The following GAB2 variants were observed in gnomAD, a reference collection of about 807,000 sequenced individuals.
GAB2 encodes the protein GRB2-associated-binding protein 2.
In GAB2, 26 loss-of-function variants were observed where a neutral mutation model predicts 65.5. The ratio of observed to expected loss-of-function variants is 0.40; its 90% CI spans 0.29 to 0.55. The LOEUF (loss-of-function observed/expected upper bound fraction) is 0.55. Among genes scored for constraint, GAB2 ranks in the 20% least tolerant of loss-of-function variants. The probability of loss-of-function intolerance (pLI) is 0.53; values close to 1 mark genes in which losing one functional copy is unlikely to be tolerated. For missense variants in GAB2, 884 were observed against 875.8 expected (o/e 1.01, Z -0.12); for synonymous variants, 321 against 329.6 (o/e 0.97, Z 0.28).
In GAB2 at chr11:78,219,107, C is replaced by A; in HGVS notation, c.*165G>T. 1 of 651,956 alleles carries A rather than the reference C, an allele frequency of 1.5e-6. No individual in the cohort carries two copies. The highest frequency in any genetic ancestry group is 2.9e-5 in the Admixed American group (1 of 33,996). The allele number at this position is 651,956 out of a possible 1,614,324, so 40.4% of individuals were successfully genotyped here. ...GGAGGTGCCTTGATCAGGCCCTCAC[C>A]TCCCAGGGGAAGGGTTCAGGGTCCC... On this transcript the variant is annotated 3_prime_UTR_variant, in exon 10 of 10. Coordinates refer to ENST00000361507, the MANE Select transcript of GAB2 (RefSeq NM_080491.3).
chr11:78,258,729 C>T (rs950585836), intron 2 of GAB2, among the ~76,000 whole-genome samples: 1 of 151,978 alleles, frequency 6.6e-6, no homozygotes, highest in African/African-American at 2.4e-5. Context: ...TCCCAAAGTG[C>T]TGGAACTATA....
intron 1 of GAB2, among the ~76,000 whole-genome samples, chr11:78,370,528 C>T (rs1420213812): frequency 6.6e-6 from 1 of 152,026 alleles, no homozygotes; most frequent in Non-Finnish European, 1.5e-5. Flanking sequence ...ACCTGTTTAT[C>T]ATGTGTTGCA....
chr11:78,397,924 C>T (rs1856921868), intron 1 of GAB2, among the ~76,000 whole-genome samples: 1 of 152,064 alleles, frequency 6.6e-6, no homozygotes, highest in Non-Finnish European at 1.5e-5. Context: ...CACAGTGGTG[C>T]ACCTATAGTC....
At chr11:78,245,124 CAG>C (rs1865261174) in intron 3 of GAB2, among the ~76,000 whole-genome samples, 1 of 151,992 alleles carries the variant, frequency 6.6e-6, no homozygotes. Context: ...CTCACACAGA[CAG>C]AAAGTAGAAT....
rs59495222 is a variant in GAB2 at position 78,358,483 on chromosome 11, C to CAAAA, written c.75+59159_75+59162dup. Among the ~76,000 whole-genome samples the CAAAA allele has an allele frequency of 3.3e-3, 353 of 106,228 alleles. 7 individuals carry two copies. The highest frequency in any genetic ancestry group is 0.011 in the African/African-American group (331 of 30,258). 69.7% of individuals were successfully genotyped at this position (106,228 alleles called of 152,430 possible). ...ATAATAATAATAATAATAAAGTGACCAAAAAAAAAAAAAAGAAGTAATGTC... is the reference window on the plus strand; with the variant it reads ...ATAATAATAATAATAATAAAGTGACCAAAAAAAAAAAAAAAAAAGAAGTAATGTC... On this transcript the variant is annotated intron_variant, in intron 1 of 9. Transcript: ENST00000361507.
chr11:78,387,263 T>C (rs972691689), intron 1 of GAB2, among the ~76,000 whole-genome samples: 6 of 152,194 alleles, frequency 3.9e-5, no homozygotes, highest in African/African-American at 1.4e-4. Flanking sequence ...CTCCAACTAC[T>C]CCTTATCTGG....
At chr11:78,250,015 A>C in intron 3 of GAB2, 142 bp downstream of exon 3, 1 of 893,504 alleles carries the variant, frequency 1.1e-6, no homozygotes, top group Non-Finnish European at 1.7e-6. Flanking sequence ...CTACAGAAGC[A>C]AAAAATTATG....
rs145177616 is a variant in GAB2, at chr11:78,283,416, C to T, written c.76-2515G>A. 2.6e-5 allele frequency among the ~76,000 whole-genome samples: 4 copies of T among 152,300 alleles called. No homozygotes were observed. The East Asian group carries it at 5.8e-4, about 22-fold the overall frequency. The stretch of plus-strand genomic sequence containing the variant: ...AGGATGATTCCCATCAAGACATCAA[C>T]GTTTCCTATCTCAGAAGAAAAAATT... On this transcript the variant is annotated intron_variant, in intron 1 of 9. Transcript: ENST00000361507.
chr11:78,260,048 C>T (rs1230745365), intron 2 of GAB2, among the ~76,000 whole-genome samples: 2 of 152,130 alleles, frequency 1.3e-5, no homozygotes, highest in Admixed American at 1.3e-4. Context: ...GATCAAAGTA[C>T]TAAACACTAG....
chr11:78,379,622 T>C (rs904686188), intron 1 of GAB2, among the ~76,000 whole-genome samples: 1 of 152,234 alleles, frequency 6.6e-6, no homozygotes, highest in Non-Finnish European at 1.5e-5. Context: ...TTCAGTTCTA[T>C]TTTAACATCA....
At chr11:78,229,968 A>G (rs1053721168) in intron 3 of GAB2, among the ~76,000 whole-genome samples, 1 of 152,202 alleles carries the variant, frequency 6.6e-6, no homozygotes, top group African/African-American at 2.4e-5. Context: ...TCACTTGCTT[A>G]ACTTTGTTCT....
intron 2 of GAB2, among the ~76,000 whole-genome samples, chr11:78,268,014 T>G (rs925418321): frequency 9.9e-5 from 15 of 152,276 alleles, no homozygotes; most frequent in African/African-American, 3.6e-4. Flanking sequence ...CAGGTCCCTG[T>G]TTTGAAACAT....
intron 1 of GAB2, among the ~76,000 whole-genome samples, chr11:78,289,684 C>G (rs185225658): frequency 6.7e-4 from 102 of 152,086 alleles, no homozygotes; most frequent in African/African-American, 2.2e-3. Context: ...AGCAGGGAAT[C>G]AAACTTTCAG....
At chr11:78,359,074 A>C (rs1856399546) in intron 1 of GAB2, among the ~76,000 whole-genome samples, 1 of 152,206 alleles carries the variant, frequency 6.6e-6, no homozygotes, top group Admixed American at 6.5e-5. Flanking sequence ...TAAAGATATG[A>C]AAAAATCAGA....
chr11:78,227,631 C>CAAAAAAAAGAAA (rs1260378545), intron 3 of GAB2, among the ~76,000 whole-genome samples: 1 of 106,134 alleles, frequency 9.4e-6, no homozygotes, highest in African/African-American at 3.6e-5. Context: ...CCATTGCCAC[C>CAAAAAAAAGAAA]AAAAAAAAAA....
chr11:78,402,583 G>C (rs1013761144), intron 1 of GAB2, among the ~76,000 whole-genome samples: 8 of 35,252 alleles, frequency 2.3e-4, no homozygotes, highest in African/African-American at 9.2e-4. Flanking sequence ...AATCGCCCCA[G>C]TAGCTGGGAT....
At chr11:78,282,504 T>G (rs1419945818) in intron 1 of GAB2, among the ~76,000 whole-genome samples, 1 of 152,082 alleles carries the variant, frequency 6.6e-6, no homozygotes, top group Non-Finnish European at 1.5e-5. Flanking sequence ...AGACAGGGCT[T>G]CACCATGTTG....
chr11:78,221,212 G>C (rs1330104190), intron 8 of GAB2, among the ~76,000 whole-genome samples: 1 of 152,242 alleles, frequency 6.6e-6, no homozygotes, highest in African/African-American at 2.4e-5. Flanking sequence ...TCTATGCAGT[G>C]ACTACCAGGT....
intron 1 of GAB2, among the ~76,000 whole-genome samples, chr11:78,306,154 ATAAAC>A (rs1306737109): frequency 6.6e-6 from 1 of 152,226 alleles, no homozygotes; most frequent in Non-Finnish European, 1.5e-5. Flanking sequence ...TGAGCTTTCA[ATAAAC>A]TAGAATATAA....
Sources: allele counts gnomAD v4.1 joint callset (sites outside exome capture counted in the v4.1 genomes callset), GRCh38; gene constraint gnomAD v4.1.1; transcripts MANE v1.5; gene names NCBI Gene and HGNC (gene_info 2026-07-23, HGNC 2026-07-21).